ZBTB20: variants seen among roughly 807,000 people sequenced by gnomAD.
ZBTB20 encodes zinc finger and BTB domain-containing protein 20.
A neutral mutation model predicts 56.9 loss-of-function variants in ZBTB20; 9 were observed. That is an observed-to-expected ratio of 0.16 (90% CI 0.10 to 0.28). The LOEUF (loss-of-function observed/expected upper bound fraction) is 0.28, where lower values mean the gene tolerates loss of function less well. Ranked by LOEUF, ZBTB20 falls within the 10% of genes least tolerant of loss-of-function variation. The probability of loss-of-function intolerance (pLI) is 1.00; values close to 1 mark genes in which losing one functional copy is unlikely to be tolerated. For synonymous variants in ZBTB20, 417 were observed against 420.7 expected (o/e 0.99, Z 0.11); for missense variants, 655 against 1,003.0 (o/e 0.65, Z 4.69).
intron 6 of ZBTB20, among the ~76,000 whole-genome samples, chr3:114,544,307 T>A (rs1362874091): frequency 6.6e-6 from 1 of 152,048 alleles, no homozygotes; most frequent in African/African-American, 2.4e-5. Flanking sequence ...AACAAATCAA[T>A]AAAAATACAA....
chr3:114,367,963 G>C (rs780620798), intron 10 of ZBTB20, among the ~76,000 whole-genome samples: 1 of 152,160 alleles, frequency 6.6e-6, no homozygotes, highest in Non-Finnish European at 1.5e-5. Context: ...TTCAGCCTCA[G>C]TCGTTCTCAG....
chr3:114,487,984 C>T (rs2042323716), intron 7 of ZBTB20, among the ~76,000 whole-genome samples: 1 of 152,162 alleles, frequency 6.6e-6, no homozygotes, highest in African/African-American at 2.4e-5. Context: ...TGTATTTTTC[C>T]CTTCCCAATA....
rs540469702 is a variant in ZBTB20, at chr3:114,534,419, A to G, written c.-294-34028T>C. On this transcript the variant is annotated intron_variant, in intron 6 of 11. Coordinates refer to ENST00000675478, the MANE Select transcript of ZBTB20 (RefSeq NM_001348800.3). Reference sequence around the variant, plus strand: ...GGCATTACGTAATGGTAAAGGGATCAATGCAACAAGAAGAGCTAACTGTCC... The same window carrying G: ...GGCATTACGTAATGGTAAAGGGATCGATGCAACAAGAAGAGCTAACTGTCC... Among the ~76,000 whole-genome samples, 92 of 152,350 alleles carry G rather than the reference A, an allele frequency of 6.0e-4. 1 individual carries two copies. The South Asian group carries it at 0.012, about 19-fold the overall frequency.
intron 1 of ZBTB20, among the ~76,000 whole-genome samples, chr3:115,141,053 A>T (rs2084799514): frequency 6.6e-6 from 1 of 152,100 alleles, no homozygotes; most frequent in Non-Finnish European, 1.5e-5. Flanking sequence ...GCCATATGTA[A>T]GTATATCATT....
intron 6 of ZBTB20, among the ~76,000 whole-genome samples, chr3:114,643,647 G>C (rs1259144921): frequency 6.6e-6 from 1 of 152,014 alleles, no homozygotes; most frequent in Admixed American, 6.6e-5. Flanking sequence ...AACACTTTAA[G>C]GTATCTAACC....
intron 5 of ZBTB20, among the ~76,000 whole-genome samples, chr3:114,790,643 C>A (rs1273611656): frequency 6.6e-6 from 1 of 150,862 alleles, no homozygotes. Context: ...AATTTTTACA[C>A]AGGATGCTCA....
chr3:114,680,853 A>G (rs1208089239), intron 6 of ZBTB20, among the ~76,000 whole-genome samples: 1 of 152,212 alleles, frequency 6.6e-6, no homozygotes, highest in Non-Finnish European at 1.5e-5. Context: ...ATACCAGCTT[A>G]CAACTTAGCA....
At chr3:114,908,362 T>C (rs2075397798) in intron 3 of ZBTB20, among the ~76,000 whole-genome samples, 1 of 152,060 alleles carries the variant, frequency 6.6e-6, no homozygotes, top group African/African-American at 2.4e-5. Context: ...TATTTGGCAT[T>C]ACTATGATTC....
chr3:114,768,565 C>T (rs559112550), intron 5 of ZBTB20, among the ~76,000 whole-genome samples: 52 of 152,056 alleles, frequency 3.4e-4, no homozygotes, highest in Non-Finnish European at 6.3e-4. Flanking sequence ...CAATAATAAA[C>T]TAATTTCAAT....
At chr3:115,114,972 C>G (rs1179174778) in intron 1 of ZBTB20, among the ~76,000 whole-genome samples, 1 of 152,120 alleles carries the variant, frequency 6.6e-6, no homozygotes, top group African/African-American at 2.4e-5. Context: ...TACTCTACCA[C>G]TGGATAACCA....
intron 2 of ZBTB20, among the ~76,000 whole-genome samples, chr3:114,993,041 C>G (rs866734002): frequency 6.6e-6 from 1 of 151,934 alleles, no homozygotes; most frequent in African/African-American, 2.4e-5. Flanking sequence ...ACCATAGGAT[C>G]AAAAACTGAT....
chr3:114,910,305 GCACACA>G (rs62885462), intron 3 of ZBTB20, among the ~76,000 whole-genome samples: 24 of 146,296 alleles, frequency 1.6e-4, no homozygotes, highest in African/African-American at 3.0e-4. Flanking sequence ...ATGCACGCGT[GCACACA>G]CACACACACA....
intron 4 of ZBTB20, among the ~76,000 whole-genome samples, chr3:114,871,948 G>T (rs574823211): frequency 6.6e-6 from 1 of 152,116 alleles, no homozygotes; most frequent in African/African-American, 2.4e-5. Context: ...CCTGGTCCCA[G>T]TTCCTCCCAA....
intron 7 of ZBTB20, among the ~76,000 whole-genome samples, chr3:114,423,750 C>T (rs536885909): frequency 9.5e-4 from 144 of 152,286 alleles, no homozygotes; most frequent in African/African-American, 3.3e-3. Flanking sequence ...CATTTGATCC[C>T]TATTTATCTG....
intron 10 of ZBTB20, among the ~76,000 whole-genome samples, chr3:114,363,776 A>G (rs1440740488): frequency 1.3e-5 from 2 of 152,218 alleles, no homozygotes; most frequent in African/African-American, 2.4e-5. Flanking sequence ...GAGCTCACAC[A>G]GCCAACAAAT....
chr3:114,744,652 T>C (rs765021865), intron 5 of ZBTB20, among the ~76,000 whole-genome samples: 9 of 152,088 alleles, frequency 5.9e-5, no homozygotes, highest in Non-Finnish European at 1.3e-4. Context: ...GGAAATAACA[T>C]AAAGTGCTTA....
chr3:115,049,825 G>A (rs957315993), intron 2 of ZBTB20, among the ~76,000 whole-genome samples: 1 of 152,068 alleles, frequency 6.6e-6, no homozygotes, highest in African/African-American at 2.4e-5. Context: ...ACCTCAGTTG[G>A]TACTGGTTTG....
intron 6 of ZBTB20, among the ~76,000 whole-genome samples, chr3:114,544,225 A>C (rs2049451852): frequency 6.6e-6 from 1 of 152,228 alleles, no homozygotes; most frequent in Non-Finnish European, 1.5e-5. Context: ...TATTTAAATC[A>C]TTTAAGTATT....
At chr3:114,938,597 G>C (rs1020944520) in intron 3 of ZBTB20, among the ~76,000 whole-genome samples, 1 of 145,684 alleles carries the variant, frequency 6.9e-6, no homozygotes, top group Non-Finnish European at 1.5e-5. Context: ...CCGCATGTTC[G>C]CACTCATAAG....
Sources: allele counts gnomAD v4.1 joint callset (sites outside exome capture counted in the v4.1 genomes callset), GRCh38; gene constraint gnomAD v4.1.1; transcripts MANE v1.5; gene names NCBI Gene and HGNC (gene_info 2026-07-23, HGNC 2026-07-21).